LLGL2: variants seen among roughly 807,000 people sequenced by gnomAD.
The protein encoded by LLGL2 is LLGL2, scribble cell polarity complex component.
LLGL2 carries 81 observed loss-of-function variants against 123.2 expected under a neutral mutation model. The ratio of observed to expected loss-of-function variants is 0.66; its 90% CI spans 0.55 to 0.79. The LOEUF (loss-of-function observed/expected upper bound fraction) is 0.79. Among genes scored for constraint, LLGL2 ranks in the 30% least tolerant of loss-of-function variants. The probability of loss-of-function intolerance (pLI) is 0.00; values close to 1 mark genes in which losing one functional copy is unlikely to be tolerated. For synonymous variants in LLGL2, 577 were observed against 594.1 expected (o/e 0.97, Z 0.42); for missense variants, 1,273 against 1,414.6 (o/e 0.90, Z 1.61).
intron 6 of LLGL2, among the ~76,000 whole-genome samples, chr17:75,560,909 G>A (rs904665153): frequency 1.3e-5 from 2 of 149,764 alleles, no homozygotes; most frequent in East Asian, 3.9e-4. Context: ...TCAGCTCACT[G>A]CAACCTCTGC....
Position 75,558,174 on chromosome 17 carries a change from G to A in LLGL2, c.193G>A (p.Glu65Lys). 1.2e-6 allele frequency: 2 copies of A among 1,613,822 alleles called. No homozygotes were observed. Among genetic ancestry groups the A allele is most frequent in the African/African-American group, 1.3e-5 (1 of 75,054 alleles). The stretch of plus-strand genomic sequence containing the variant: ...TCCTAGCTACGGAGCCCCAGGCGTG[G>A]AGTTCATGGGGCTGCACCAGGAGAA... ...AIKLYGAPGV[E>K]FMGLHQENNA... The change falls in exon 4 of 26, where the codon GAG becomes AAG. Residue 65 changes from glutamate (E) to lysine (K), a missense_variant. Physicochemically the swap from Glu to Lys is moderately conservative, Grantham distance 56 (BLOSUM62 1). Coordinates refer to ENST00000392550, the MANE Select transcript of LLGL2 (RefSeq NM_001031803.2). This position sits in a 1 kb window ranked among gnomAD's most constrained non-coding sequence, Gnocchi z 4.0.
chr17:75,551,002 C>T (rs2054648308), intron 2 of LLGL2, among the ~76,000 whole-genome samples: 1 of 152,112 alleles, frequency 6.6e-6, no homozygotes, highest in Non-Finnish European at 1.5e-5. Flanking sequence ...TTGGGCTTCT[C>T]ATAACTAACC....
Position 75,574,244 on chromosome 17 carries a change from T to C in LLGL2, c.2937T>C (p.Ala979=). The C allele has an allele frequency of 6.8e-7, 1 of 1,473,492 alleles. No homozygotes were observed. The allele number at this position is 1,473,492 out of a possible 1,614,324, so 91.3% of individuals were successfully genotyped here. A position where few individuals can be genotyped will look rare whatever the true frequency, so the allele number is the denominator to read the frequency against. The change falls in exon 23 of 26, where the codon GCT becomes GCC. Residue 979 remains alanine (A), a synonymous_variant. Transcript: ENST00000392550. The part of the protein sequence containing the change: ...EKQPGLVMER[A]LLSDERVLKE... The stretch of plus-strand genomic sequence containing the variant: ...AGCCCGGCCTGGTGATGGAGCGCGC[T>C]CTGCTCAGTGATGAGAGTGAGTTGG...
rs1568052003 is a variant in LLGL2, at chr17:75,558,856, TCCGCACCCC to T, written c.371+230_371+238del. The stretch of plus-strand genomic sequence containing the variant: ...CTCCATCCGCACCCCACCTCCTCCA[TCCGCACCCC>T]GCCTCCTCCATCCGCACCCCACCTC... On this transcript the variant is annotated intron_variant, in intron 5 of 25. Transcript: ENST00000392550. The surrounding 1 kb of genome is among the most constrained non-coding windows in gnomAD (Gnocchi z 4.0). 144 of 273,488 alleles carry T rather than the reference TCCGCACCCC, an allele frequency of 5.3e-4. 17 individuals are homozygous for T. Among genetic ancestry groups the T allele is most frequent in the African/African-American group, 3.7e-3 (115 of 31,082 alleles). The allele number at this position is 273,488 out of a possible 1,614,324, so 16.9% of individuals were successfully genotyped here.
rs978897064 is a variant in LLGL2 at position 75,560,468 on chromosome 17, T to TTTATA, written c.530+1076_530+1080dup. ...CCTGAGAGCCCCTCCTGCCAGTTTA[T>TTTATA]TTATATTATATTATATTATATTTTA... On this transcript the variant is annotated intron_variant, in intron 6 of 25. Transcript: ENST00000392550. Among the ~76,000 whole-genome samples, 35 of 152,158 alleles carry TTTATA rather than the reference T, an allele frequency of 2.3e-4. No homozygotes were observed. The South Asian group carries it at 3.1e-3, about 14-fold the overall frequency.
At chr17:75,573,416 C>T in intron 20 of LLGL2, 65 bp from the exon 21 acceptor site, 2 of 1,579,410 alleles carry the variant, frequency 1.3e-6, no homozygotes, top group African/African-American at 1.3e-5. Flanking sequence ...CCCCTACTCC[C>T]CCAGGTGGGG....
Position 75,564,164 on chromosome 17 carries a change from A to G in LLGL2, c.882-189A>G. On this transcript the variant is annotated intron_variant, in intron 9 of 25. Transcript: ENST00000392550. The surrounding 1 kb of genome is among the most constrained non-coding windows in gnomAD (Gnocchi z 4.9). The stretch of plus-strand genomic sequence containing the variant: ...GAGGCAGGAGTGGCTGCTGAGACTC[A>G]GAGCCCCCAGCCTGGATGCCCTCAC... 6.6e-6 allele frequency among the ~76,000 whole-genome samples: 1 copy of G among 152,174 alleles called. No homozygotes were observed. The highest frequency in any genetic ancestry group is 1.9e-4 in the East Asian group (1 of 5,192).
In LLGL2 at chr17:75,558,389, G is replaced by A. The variant is rs2055015397; in HGVS notation, c.256-123G>A. 6.1e-6 allele frequency: 7 copies of A among 1,147,090 alleles called. No individual in the cohort carries two copies. Among genetic ancestry groups the A allele is most frequent in the Non-Finnish European group, 8.6e-6 (7 of 813,200 alleles). The allele number at this position is 1,147,090 out of a possible 1,614,324, so 71.1% of individuals were successfully genotyped here. A position where few individuals can be genotyped will look rare whatever the true frequency, so the allele number is the denominator to read the frequency against. ...GACCCCCTCCCTTTCCACAGCTGGG[G>A]CTCATGGGCCACCCTGGGAGTGGCC... On this transcript the variant is annotated intron_variant, in intron 4 of 25. Transcript: ENST00000392550. This position sits in a 1 kb window ranked among gnomAD's most constrained non-coding sequence, Gnocchi z 4.0.
chr17:75,556,006 G>A (rs544244578), intron 2 of LLGL2, 40 bp from the exon 3 acceptor site: 1 of 1,522,822 alleles, frequency 6.6e-7, no homozygotes, highest in East Asian at 2.3e-5. Context: ...GCGCGAAGGG[G>A]ACAGGTCTGC....
intron 6 of LLGL2, chr17:75,562,510 A>G (rs1006617579): frequency 6.0e-6 from 1 of 166,468 alleles, no homozygotes; most frequent in Non-Finnish European, 1.3e-5. Flanking sequence ...GGTTGTGTCC[A>G]TGTCTCTGTC....
chr17:75,552,318 G>A lies in LLGL2; in HGVS notation c.76-3728G>A, dbSNP rs1025445477. 7.5e-5 allele frequency among the ~76,000 whole-genome samples: 11 copies of A among 147,062 alleles called. No homozygotes were observed. In the East Asian group the frequency reaches 1.5e-3, roughly 19 times the overall value. ...AGCCTAGCCAACTTGGTGAAACCCC[G>A]TCTCTACTAAAAATACAAAAACTAG... is the stretch of plus-strand genomic sequence containing the variant. On this transcript the variant is annotated intron_variant, in intron 2 of 25. Transcript: ENST00000392550.
intron 12 of LLGL2, 40 bp downstream of exon 12, chr17:75,568,879 A>C: frequency 6.4e-7 from 1 of 1,564,888 alleles, no homozygotes; most frequent in Non-Finnish European, 8.7e-7. Context: ...TCCCAGTAGG[A>C]TATGTGGGGT....
Position 75,573,600 on chromosome 17 carries a change from G to A in LLGL2, c.2845G>A (p.Ala949Thr), listed in dbSNP as rs2055829044. Residue 949 changes from alanine to threonine, a missense_variant, in exon 21 of 26, where the codon GCG (alanine) becomes ACG (threonine). By Grantham distance (58) the Ala-to-Thr change is moderately conservative (BLOSUM62 0). Transcript: ENST00000392550. ...ETKNHRPGNG[A>T]GPKKAPSRAR... The stretch of plus-strand genomic sequence containing the variant: ...CAAGAACCACCGCCCTGGTAACGGT[G>A]CGGGCCCCAAGAAGGCCCCGAGCCG... 6.2e-7 allele frequency: 1 copy of A among 1,611,242 alleles called. No homozygotes were observed. Among genetic ancestry groups the A allele is most frequent in the Non-Finnish European group, 8.5e-7 (1 of 1,179,614 alleles).
intron 1 of LLGL2, among the ~76,000 whole-genome samples, chr17:75,537,531 C>A (rs1356783959): frequency 3.9e-5 from 6 of 152,040 alleles, no homozygotes; most frequent in Admixed American, 3.9e-4. Flanking sequence ...CACAGCTCTA[C>A]TAAAAATAAC....
rs114278352 is a variant in LLGL2 at position 75,558,052 on chromosome 17, T to C, written c.174-103T>C. The C allele has an allele frequency of 2.2e-3, 2,399 of 1,113,918 alleles. 34 individuals carry two copies. In the African/African-American group the frequency reaches 0.033, roughly 15 times the overall value. 69.0% of individuals were successfully genotyped at this position (1,113,918 alleles called of 1,614,324 possible). A position where few individuals can be genotyped will look rare whatever the true frequency, so the allele number is the denominator to read the frequency against. ...TGCTGCCTCGGGGGAGGGCAGCCCCTCTCTGTGTTTGCATCATTGCACATG... is the reference window on the plus strand; with the variant it reads ...TGCTGCCTCGGGGGAGGGCAGCCCCCCTCTGTGTTTGCATCATTGCACATG... On this transcript the variant is annotated intron_variant, in intron 3 of 25. Transcript: ENST00000392550. The surrounding 1 kb of genome is among the most constrained non-coding windows in gnomAD (Gnocchi z 4.0).
At chr17:75,562,205 G>C (rs2055251559) in intron 6 of LLGL2, 1 of 152,154 alleles carries the variant, frequency 6.6e-6, no homozygotes, top group Non-Finnish European at 1.5e-5. Context: ...AGGGGTCAAG[G>C]CTCCAGGGCC....
Position 75,574,997 on chromosome 17 carries a change from G to A in LLGL2, c.*119G>A, listed in dbSNP as rs1281901539. On this transcript the variant is annotated 3_prime_UTR_variant, in exon 26 of 26. Transcript: ENST00000392550. ...CCCCGCCAGGGGCTGGGGGCATCCCGGCTTCCACAATGCAGCTGCTCTGGG... is the reference window on the plus strand; with the variant it reads ...CCCCGCCAGGGGCTGGGGGCATCCCAGCTTCCACAATGCAGCTGCTCTGGG... 47 of 1,425,896 alleles carry A rather than the reference G, an allele frequency of 3.3e-5. 1 individual carries two copies. Among genetic ancestry groups the A allele is most frequent in the African/African-American group, 7.0e-5 (5 of 70,982 alleles). 88.3% of individuals were successfully genotyped at this position (1,425,896 alleles called of 1,614,324 possible).
intron 1 of LLGL2, among the ~76,000 whole-genome samples, chr17:75,528,924 G>A (rs898369341): frequency 6.6e-6 from 1 of 151,834 alleles, no homozygotes; most frequent in South Asian, 2.1e-4. Flanking sequence ...TTTGGGAGGC[G>A]GAAGCAGGCG....
chr17:75,535,881 C>A (rs2053982458), intron 1 of LLGL2, among the ~76,000 whole-genome samples: 1 of 152,106 alleles, frequency 6.6e-6, no homozygotes, highest in South Asian at 2.1e-4. Flanking sequence ...ATTTTGCCGG[C>A]CAGGTGCAGA....
Sources: gnomAD v4.1 joint callset for allele counts (sites outside exome capture counted in the v4.1 genomes callset) on GRCh38, gnomAD v4.1.1 for gene constraint, Gnocchi (gnomAD v3.1) non-coding constraint, MANE v1.5 for transcripts, NCBI Gene and HGNC (gene_info 2026-07-23, HGNC 2026-07-21) for gene names.